SYNE1: variants seen among roughly 807,000 people sequenced by gnomAD.
SYNE1 encodes nesprin-1.
SYNE1 carries 616 observed loss-of-function variants against 1,111.0 expected under a neutral mutation model. The ratio of observed to expected loss-of-function variants is 0.55; its 90% CI spans 0.52 to 0.59. The LOEUF is 0.59. Among genes scored for constraint, SYNE1 ranks in the 20% least tolerant of loss-of-function variants. The pLI, the probability that SYNE1 is intolerant of heterozygous loss-of-function variation, is 0.00. For synonymous variants in SYNE1, 3,855 were observed against 3,825.8 expected (o/e 1.01, Z -0.28); for missense variants, 10,006 against 10,417.0 (o/e 0.96, Z 1.72).
intron 3 of SYNE1, among the ~76,000 whole-genome samples, chr6:152,611,646 C>T (rs1201790890): frequency 1.3e-5 from 2 of 152,106 alleles, no homozygotes; most frequent in Non-Finnish European, 2.9e-5. Flanking sequence ...ACCAAGGAGA[C>T]CTAATAGACA....
chr6:152,401,893 T>C (rs73003032), intron 46 of SYNE1, among the ~76,000 whole-genome samples: 3,013 of 152,322 alleles, frequency 0.02, 51 homozygotes, highest in Middle Eastern at 0.061. Flanking sequence ...ATAGTCACTA[T>C]ACATTGAAAA....
At chr6:152,240,328 G>A (rs900756875) in intron 107 of SYNE1, among the ~76,000 whole-genome samples, 3 of 148,110 alleles carry the variant, frequency 2.0e-5, no homozygotes, top group African/African-American at 5.0e-5. Context: ...AAAAAACATT[G>A]CTTTCCTTCC....
intron 6 of SYNE1, among the ~76,000 whole-genome samples, chr6:152,519,958 G>A (rs1452959225): frequency 6.6e-6 from 1 of 152,014 alleles, no homozygotes; most frequent in African/African-American, 2.4e-5. Flanking sequence ...ACCTAATCAC[G>A]AGAAAATATC....
intron 62 of SYNE1, among the ~76,000 whole-genome samples, chr6:152,365,364 G>A (rs1034906314): frequency 6.6e-6 from 1 of 152,174 alleles, no homozygotes; most frequent in Admixed American, 6.5e-5. Flanking sequence ...GCTTATAAAT[G>A]TTATGGTCTC....
At chr6:152,128,848 C>T (rs2054427011) in intron 145 of SYNE1, 1 of 152,230 alleles carries the variant, frequency 6.6e-6, no homozygotes. Context: ...CAGACTCTGC[C>T]TTTCATTCTC....
intron 127 of SYNE1, among the ~76,000 whole-genome samples, chr6:152,192,561 A>T (rs2813530): frequency 0.56 from 84,352 of 151,872 alleles, 24,855 homozygotes; most frequent in African/African-American, 0.78. Flanking sequence ...AACGTCCACC[A>T]CCTGGGTTCA....
chr6:152,424,356 T>G (rs1356397824), intron 39 of SYNE1, among the ~76,000 whole-genome samples: 1 of 152,232 alleles, frequency 6.6e-6, no homozygotes, highest in Non-Finnish European at 1.5e-5. Flanking sequence ...CCTTCACACA[T>G]TGGTATCACT....
intron 2 of SYNE1, among the ~76,000 whole-genome samples, chr6:152,631,675 C>G (rs2099698188): frequency 6.6e-6 from 1 of 152,102 alleles, no homozygotes; most frequent in Non-Finnish European, 1.5e-5. Flanking sequence ...TCAAATATAA[C>G]ACAGCTTTAG....
chr6:152,207,023 A>G (rs372299304), intron 125 of SYNE1, among the ~76,000 whole-genome samples: 1 of 152,166 alleles, frequency 6.6e-6, no homozygotes, highest in Non-Finnish European at 1.5e-5. Context: ...GTAGAATGGA[A>G]GAAGGATGTG....
chr6:152,228,163 CT>C (rs1259670370), intron 115 of SYNE1, among the ~76,000 whole-genome samples: 2 of 152,238 alleles, frequency 1.3e-5, no homozygotes, highest in South Asian at 2.1e-4. Context: ...GTATCAAGAC[CT>C]GTAGTATAGC....
chr6:152,143,259 T>C (rs1051368777), intron 138 of SYNE1, among the ~76,000 whole-genome samples: 1 of 152,252 alleles, frequency 6.6e-6, no homozygotes, highest in East Asian at 1.9e-4. Flanking sequence ...AGTAATCTAT[T>C]AGCTAAAATC....
intron 3 of SYNE1, among the ~76,000 whole-genome samples, chr6:152,543,359 T>C (rs938061494): frequency 6.6e-6 from 1 of 152,216 alleles, no homozygotes; most frequent in Non-Finnish European, 1.5e-5. Flanking sequence ...TTTTACTTAC[T>C]ATTTTCCTGA....
chr6:152,145,600 C>A, intron 137 of SYNE1: 4 of 1,534,344 alleles, frequency 2.6e-6, no homozygotes, highest in South Asian at 2.2e-5. Context: ...GTTCTGGAAA[C>A]CCTGAATCCC....
intron 34 of SYNE1, 115 bp from the exon 35 acceptor site, chr6:152,430,824 A>C (rs913857690): frequency 1.9e-6 from 2 of 1,031,162 alleles, no homozygotes; most frequent in Admixed American, 3.7e-5. Context: ...GAAGACTTGG[A>C]TGGTTAGAGC....
At chr6:152,313,515 T>C (rs1365754379) in intron 87 of SYNE1, among the ~76,000 whole-genome samples, 1 of 148,986 alleles carries the variant, frequency 6.7e-6, no homozygotes, top group African/African-American at 2.5e-5. Context: ...CAGGCTGGAG[T>C]GCAATGGCGC....
chr6:152,574,203 C>CATATAT (rs5880984), intron 3 of SYNE1, among the ~76,000 whole-genome samples: 2 of 144,724 alleles, frequency 1.4e-5, no homozygotes, highest in Non-Finnish European at 3.0e-5. Context: ...TAAATATATA[C>CATATAT]ATATATATAT....
chr6:152,313,638 T>C (rs1589850320), intron 87 of SYNE1, among the ~76,000 whole-genome samples: 3 of 152,150 alleles, frequency 2.0e-5, no homozygotes, highest in South Asian at 4.2e-4. Context: ...AACTTTTGTA[T>C]TTTTAGTAGA....
At chr6:152,391,741 G>C (rs745719152) in intron 51 of SYNE1, among the ~76,000 whole-genome samples, 173 bp from the exon 52 acceptor site, 3 of 152,052 alleles carry the variant, frequency 2.0e-5, no homozygotes, top group Non-Finnish European at 4.4e-5. Flanking sequence ...ATTCTCTTAT[G>C]ATCTCTCCTA....
chr6:152,352,225 C>A lies in SYNE1; in HGVS notation c.11382G>T (p.Met3794Ile). 1 of 1,614,122 alleles carries A rather than the reference C, an allele frequency of 6.2e-7. No homozygotes were observed. The highest frequency in any genetic ancestry group is 8.5e-7 in the Non-Finnish European group (1 of 1,180,028). ...TGCTGGTCAGTTCCTTCAACTGCTC[C>A]ATGTGATCATGAATCTCCTTTCTTA... ...ERLRKEIHDH[M>I]EQLKELTSTV... The change falls in exon 70 of 146, where the codon ATG (methionine) becomes ATT (isoleucine). Residue 3794 changes from methionine (M) to isoleucine (I), a missense_variant. Physicochemically the swap from Met to Ile is conservative, Grantham distance 10. This residue lies in a region of SYNE1 where 4,955 missense variants were observed against 5,017.2 expected (regional missense o/e 0.99). Coordinates refer to ENST00000367255, the MANE Select transcript of SYNE1 (RefSeq NM_182961.4).
Sources: gnomAD v4.1 joint callset for allele counts (sites outside exome capture counted in the v4.1 genomes callset) on GRCh38, gnomAD v4.1.1 for gene constraint, gnomAD v4.1.1 regional missense constraint, MANE v1.5 for transcripts, NCBI Gene and HGNC (gene_info 2026-07-23, HGNC 2026-07-21) for gene names.